Variants in SLC1A1 observed in about 807,000 individuals in gnomAD.
SLC1A1 encodes the protein solute carrier family 1 member 1, also known as excitatory amino acid transporter 3.
A neutral mutation model predicts 53.3 loss-of-function variants in SLC1A1; 43 were observed. The ratio of observed to expected loss-of-function variants is 0.81; its 90% CI spans 0.63 to 1.04. The LOEUF (loss-of-function observed/expected upper bound fraction) is 1.04, where lower values mean the gene tolerates loss of function less well. Among genes scored for constraint, SLC1A1 ranks in the 50% least tolerant of loss-of-function variants. The pLI is 0.00. For synonymous variants in SLC1A1, 307 were observed against 243.2 expected, an observed-to-expected ratio of 1.26 and a Z score of -2.44; for missense variants, 748 against 664.9, an observed-to-expected ratio of 1.12 and a Z score of -1.37.
At chr9:4,547,413 T>A (rs997544419) in intron 2 of SLC1A1, among the ~76,000 whole-genome samples, 7 of 152,194 alleles carry the variant, frequency 4.6e-5, no homozygotes, top group African/African-American at 1.7e-4. Flanking sequence ...ATCTTTTGAT[T>A]TGGAGCAATG....
intron 1 of SLC1A1, among the ~76,000 whole-genome samples, chr9:4,491,740 A>AC (rs1820244524): frequency 6.6e-6 from 1 of 151,954 alleles, no homozygotes; most frequent in Non-Finnish European, 1.5e-5. Context: ...GGGCTGTTGC[A>AC]CCCTCTGAGG....
intron 2 of SLC1A1, among the ~76,000 whole-genome samples, chr9:4,555,792 G>C (rs1198592648): frequency 6.6e-6 from 1 of 152,154 alleles, no homozygotes; most frequent in Non-Finnish European, 1.5e-5. Context: ...TCTGGTGACA[G>C]TTCAGGCTCC....
At chr9:4,522,962 A>G (rs1363872577) in intron 1 of SLC1A1, among the ~76,000 whole-genome samples, 1 of 152,204 alleles carries the variant, frequency 6.6e-6, no homozygotes, top group Admixed American at 6.5e-5. Flanking sequence ...TAATTACTGG[A>G]TGAAGAAACA....
chr9:4,519,218 G>C (rs1294478048), intron 1 of SLC1A1, among the ~76,000 whole-genome samples: 1 of 152,170 alleles, frequency 6.6e-6, no homozygotes, highest in Admixed American at 6.5e-5. Context: ...ATAACTATTT[G>C]TATAATTTGA....
intron 1 of SLC1A1, among the ~76,000 whole-genome samples, chr9:4,501,395 T>G (rs1820626524): frequency 6.6e-6 from 1 of 151,560 alleles, no homozygotes; most frequent in Non-Finnish European, 1.5e-5. Flanking sequence ...AGGGTCCACA[T>G]GGCCACATGG....
chr9:4,562,021 G>T (rs1458111393), intron 3 of SLC1A1, among the ~76,000 whole-genome samples: 1 of 149,744 alleles, frequency 6.7e-6, no homozygotes, highest in Admixed American at 6.7e-5. Context: ...GCCTCCCAAA[G>T]TGCTGGAATT....
intron 1 of SLC1A1, among the ~76,000 whole-genome samples, chr9:4,509,585 C>T (rs1563998909): frequency 6.6e-6 from 1 of 151,982 alleles, no homozygotes; most frequent in Non-Finnish European, 1.5e-5. Flanking sequence ...CAACCTCTGT[C>T]TCTTTCTACC....
At chr9:4,492,121 C>T (rs1415518405) in intron 1 of SLC1A1, among the ~76,000 whole-genome samples, 1 of 152,048 alleles carries the variant, frequency 6.6e-6, no homozygotes, top group East Asian at 1.9e-4. Flanking sequence ...TGACTATTTC[C>T]CCCAAGAAGT....
intron 1 of SLC1A1, among the ~76,000 whole-genome samples, chr9:4,532,264 G>T (rs913858308): frequency 2.0e-5 from 3 of 152,122 alleles, no homozygotes; most frequent in Non-Finnish European, 2.9e-5. Flanking sequence ...AAACTACTCT[G>T]AGCTAAAGGA....
At chr9:4,580,647 G>GTA (rs1196489635) in intron 10 of SLC1A1, among the ~76,000 whole-genome samples, 16,829 of 132,452 alleles carry the variant, frequency 0.13, 1,630 homozygotes, top group Admixed American at 0.16. Context: ...GTGTGTGTGT[G>GTA]TGTGTATAAG....
intron 6 of SLC1A1, 24 bp from the exon 7 acceptor site, chr9:4,572,180 T>A: frequency 6.2e-7 from 1 of 1,600,828 alleles, no homozygotes. Flanking sequence ...TGCATCAATA[T>A]GTTTTCTTGG....
At chr9:4,505,045 CTTTT>C (rs3038189) in intron 1 of SLC1A1, among the ~76,000 whole-genome samples, 4 of 115,002 alleles carry the variant, frequency 3.5e-5, no homozygotes, top group Admixed American at 1.0e-4. Context: ...ACATATATTT[CTTTT>C]TTTTTTTTTT....
At chr9:4,533,465 G>A (rs1250564469) in intron 1 of SLC1A1, among the ~76,000 whole-genome samples, 6 of 152,156 alleles carry the variant, frequency 3.9e-5, no homozygotes, top group East Asian at 1.9e-4. Context: ...AAGAGACAAA[G>A]AAGGCCATTA....
intron 1 of SLC1A1, among the ~76,000 whole-genome samples, chr9:4,526,298 T>C (rs1354666799): frequency 6.6e-6 from 1 of 152,228 alleles, no homozygotes; most frequent in Non-Finnish European, 1.5e-5. Flanking sequence ...TGATATGGAA[T>C]ACTGAACAGC....
rs1013426992 is a variant in SLC1A1 at position 4,556,052 on chromosome 9, G to T, written c.233-5397G>T. Among the ~76,000 whole-genome samples the T allele has an allele frequency of 6.0e-5, 9 of 150,782 alleles. No individual in the cohort carries two copies. The highest frequency in any genetic ancestry group is 1.3e-4 in the Non-Finnish European group (9 of 67,896). The stretch of plus-strand genomic sequence containing the variant: ...TGCCCAGGCTGAAGTGCAGTGGCAT[G>T]ATATCGGCTCACTGCAACCTCCACC... On this transcript the variant is annotated intron_variant, in intron 2 of 11. Coordinates refer to ENST00000262352, the MANE Select transcript of SLC1A1 (RefSeq NM_004170.6). This position sits in a 1 kb window ranked among gnomAD's most constrained non-coding sequence, Gnocchi z 4.1.
chr9:4,564,625 T>C (rs1477881589), intron 4 of SLC1A1, among the ~76,000 whole-genome samples, 167 bp downstream of exon 4: 1 of 152,210 alleles, frequency 6.6e-6, no homozygotes, highest in Non-Finnish European at 1.5e-5. Flanking sequence ...GCCAGTACTG[T>C]TTGCCAAGTC....
intron 10 of SLC1A1, among the ~76,000 whole-genome samples, chr9:4,581,321 G>T (rs1564067863): frequency 6.6e-6 from 1 of 152,312 alleles, no homozygotes; most frequent in Middle Eastern, 3.4e-3. Flanking sequence ...GTTTTCTTCT[G>T]TGGAAATCCT....
chr9:4,508,833 C>A (rs901503146), intron 1 of SLC1A1, among the ~76,000 whole-genome samples: 1 of 152,184 alleles, frequency 6.6e-6, no homozygotes, highest in Non-Finnish European at 1.5e-5. Context: ...CGGCTCAATG[C>A]AGCAGGTGTC....
chr9:4,536,833 C>T (rs1816693936), intron 1 of SLC1A1, among the ~76,000 whole-genome samples: 1 of 152,066 alleles, frequency 6.6e-6, no homozygotes, highest in East Asian at 1.9e-4. Context: ...GAAAATGTGG[C>T]ACATATACAC....
Sources: gnomAD v4.1 joint callset for allele counts (sites outside exome capture counted in the v4.1 genomes callset) on GRCh38, gnomAD v4.1.1 for gene constraint, Gnocchi (gnomAD v3.1) non-coding constraint, MANE v1.5 for transcripts, NCBI Gene and HGNC (gene_info 2026-07-23, HGNC 2026-07-21) for gene names.